Variants in ART3 observed in about 807,000 individuals in gnomAD.
ART3 encodes the protein ADP-ribosyltransferase 3 (inactive).
In ART3, 49 loss-of-function variants were observed where a neutral mutation model predicts 48.5. The observed-to-expected ratio is 1.01, with a 90% CI of 0.80 to 1.28. The LOEUF is 1.28. ART3 is among the 50% of genes most tolerant of loss of function. ART3 has a pLI of 0.00. For missense variants in ART3, 438 were observed against 454.3 expected, an observed-to-expected ratio of 0.96 and a Z score of 0.33; for synonymous variants, 145 against 157.2, an observed-to-expected ratio of 0.92 and a Z score of 0.58.
At chr4:76,018,234 G>T (rs1732440246) in intron 1 of ART3, among the ~76,000 whole-genome samples, 1 of 152,174 alleles carries the variant, frequency 6.6e-6, no homozygotes, top group African/African-American at 2.4e-5. Flanking sequence ...AGAAAATGTG[G>T]TACATATACA....
rs34858048 is a variant in ART3 at position 76,069,386 on chromosome 4, C to CTTTTT, written c.-9-6478_-9-6474dup. ...ATGTAAATGTATCAGTACTTAATTC[C>CTTTTT]TTTTTTTTTTTTTTTTTTTTTGAGA... On this transcript the variant is annotated intron_variant, in intron 1 of 9. Coordinates refer to the ART3 transcript ENST00000341029. Among the ~76,000 whole-genome samples, 201 of 110,072 alleles carry CTTTTT rather than the reference C, an allele frequency of 1.8e-3. 1 individual carries two copies. Among genetic ancestry groups the CTTTTT allele is most frequent in the East Asian group, 3.8e-3 (12 of 3,126 alleles). 72.2% of individuals were successfully genotyped at this position (110,072 alleles called of 152,430 possible). A position where few individuals can be genotyped will look rare whatever the true frequency, so the allele number is the denominator to read the frequency against.
intron 10 of ART3, chr4:76,107,125 G>A (rs1284330695): frequency 6.6e-6 from 1 of 152,166 alleles, no homozygotes; most frequent in Non-Finnish European, 1.5e-5. Flanking sequence ...GTTTAAGGTA[G>A]GCTAGGTTAA....
At chr4:76,086,634 A>G (rs1170613295) in intron 3 of ART3, among the ~76,000 whole-genome samples, 5 of 152,238 alleles carry the variant, frequency 3.3e-5, no homozygotes, top group Non-Finnish European at 5.9e-5. Flanking sequence ...GTGAGATGAT[A>G]GCTATGTTAA....
chr4:76,055,669 G>A (rs1718616235), intron 1 of ART3, among the ~76,000 whole-genome samples: 1 of 152,120 alleles, frequency 6.6e-6, no homozygotes, highest in Admixed American at 6.5e-5. Context: ...GAACAATTTG[G>A]GATAAATAAA....
At chr4:76,040,462 AC>A (rs1269550622) in intron 1 of ART3, among the ~76,000 whole-genome samples, 7 of 151,410 alleles carry the variant, frequency 4.6e-5, no homozygotes, top group Admixed American at 1.3e-4. Context: ...ACACACACAC[AC>A]ACACACACAC....
chr4:76,099,080 TCA>T lies in ART3; in HGVS notation c.847+95_847+96del, dbSNP rs753631171. 1.2e-5 allele frequency: 14 copies of T among 1,159,838 alleles called. 1 individual carries two copies. The South Asian group carries it at 1.8e-4, about 15-fold the overall frequency. 71.8% of individuals were successfully genotyped at this position (1,159,838 alleles called of 1,614,324 possible). A position where few individuals can be genotyped will look rare whatever the true frequency, so the allele number is the denominator to read the frequency against. ...GCTTTGGAAGGCCGAGGTGAGTGGATCACTTGAGCCCAGGAGTTTGAGACCAG... is the reference window on the plus strand; with the variant it reads ...GCTTTGGAAGGCCGAGGTGAGTGGATCTTGAGCCCAGGAGTTTGAGACCAG... On this transcript the variant is annotated intron_variant, in intron 5 of 11. Transcript: ENST00000355810.
intron 1 of ART3, among the ~76,000 whole-genome samples, chr4:76,048,665 G>A (rs4543142): frequency 0.59 from 89,681 of 151,646 alleles, 27,672 homozygotes; most frequent in East Asian, 0.94. Flanking sequence ...GCTCACTGAC[G>A]CAGCAGCGGA....
chr4:76,062,375 G>A (rs1201574164), intron 1 of ART3, among the ~76,000 whole-genome samples: 1 of 152,054 alleles, frequency 6.6e-6, no homozygotes, highest in African/African-American at 2.4e-5. Context: ...GGTTTATTAT[G>A]AGAACTATAC....
intron 1 of ART3, among the ~76,000 whole-genome samples, chr4:76,020,440 T>C (rs1040889209): frequency 6.6e-6 from 1 of 152,196 alleles, no homozygotes; most frequent in African/African-American, 2.4e-5. Flanking sequence ...TTACATATTC[T>C]AGATGCTAAT....
intron 1 of ART3, among the ~76,000 whole-genome samples, chr4:76,048,564 G>A (rs1241773106): frequency 5.9e-5 from 9 of 151,722 alleles, no homozygotes. Flanking sequence ...CCTGCTGATT[G>A]GAATAGTTGC....
chr4:76,076,054 G>C (rs1720993295), intron 2 of ART3, 96 bp downstream of exon 2: 3 of 1,096,874 alleles, frequency 2.7e-6, no homozygotes, highest in Non-Finnish European at 4.0e-6. Context: ...CAGACTGCTG[G>C]AGTGCAGTGG....
chr4:76,090,807 G>A (rs1724713797), intron 3 of ART3, among the ~76,000 whole-genome samples: 1 of 152,180 alleles, frequency 6.6e-6, no homozygotes, highest in South Asian at 2.1e-4. Flanking sequence ...TTTGATATAT[G>A]TATATGCCAA....
At chr4:76,096,855 G>T (rs1450407617) in intron 3 of ART3, among the ~76,000 whole-genome samples, 1 of 152,218 alleles carries the variant, frequency 6.6e-6, no homozygotes, top group Non-Finnish European at 1.5e-5. Context: ...TTATATGAAT[G>T]TGAAGGATCT....
rs1170223296 is a variant in ART3 at position 76,104,624 on chromosome 4, T to C, written c.998T>C (p.Leu333Pro). 3 of 1,551,448 alleles carry C rather than the reference T, an allele frequency of 1.9e-6. No homozygotes were observed. The highest frequency in any genetic ancestry group is 2.6e-6 in the Non-Finnish European group (3 of 1,146,896). ...ATGAAAATTCCAGAACCTTTTCCAC[T>C]ACCTGGTAAGCAACTGATAGGCATG... is the stretch of plus-strand genomic sequence containing the variant. Reference protein sequence around the residue: ...PGMKIPEPFPLPEDKSQGNIN... With the variant: ...PGMKIPEPFPPPEDKSQGNIN... The change falls in exon 10 of 12, where the codon CTA becomes CCA. Residue 333 changes from leucine to proline, a missense_variant. Leu to Pro is a moderately conservative substitution (Grantham distance 98, BLOSUM62 -3). Transcript: ENST00000355810.
intron 9 of ART3, among the ~76,000 whole-genome samples, chr4:76,104,193 C>G (rs1169023048): frequency 6.6e-6 from 1 of 152,188 alleles, no homozygotes; most frequent in Non-Finnish European, 1.5e-5. Context: ...AAAGTTAGTT[C>G]TGCTCTGGAT....
intron 11 of ART3, among the ~76,000 whole-genome samples, chr4:76,108,621 CT>C (rs1164679888): frequency 2.0e-5 from 3 of 151,364 alleles, no homozygotes; most frequent in Non-Finnish European, 4.4e-5. Flanking sequence ...TAATGCCCCC[CT>C]GAGAACCACT....
intron 1 of ART3, chr4:76,023,505 G>A (rs1006029121): frequency 1.6e-5 from 22 of 1,335,226 alleles, no homozygotes; most frequent in South Asian, 3.5e-5. Flanking sequence ...CTCAGAAAAC[G>A]TGGGGCTAGT....
chr4:76,099,757 C>T (rs186744802), intron 5 of ART3, among the ~76,000 whole-genome samples: 30 of 152,284 alleles, frequency 2.0e-4, no homozygotes, highest in Non-Finnish European at 4.1e-4. Context: ...GATATATGGC[C>T]CAAATCATTT....
At position 76,022,790 on chromosome 4, in the gene ART3, C is replaced by T. The variant is rs201830102; in HGVS notation, c.-10+11470C>T. ...TTGATTACTAATGCTGATGCAGGTA[C>T]AGCGTACAGTTCTAGAGAGAGGTAC... On this transcript the variant is annotated intron_variant, in intron 1 of 9. Coordinates refer to the ART3 transcript ENST00000341029. The T allele has an allele frequency of 1.9e-6, 3 of 1,611,986 alleles. No individual in the cohort carries two copies. Among genetic ancestry groups the T allele is most frequent in the East Asian group, 2.2e-5 (1 of 44,844 alleles).
Sources: allele counts gnomAD v4.1 joint callset (sites outside exome capture counted in the v4.1 genomes callset), GRCh38; gene constraint gnomAD v4.1.1; transcripts MANE v1.5; gene names NCBI Gene and HGNC (gene_info 2026-07-23, HGNC 2026-07-21).